The following PHACTR1 variants were observed in gnomAD, a reference collection of about 807,000 sequenced individuals.
PHACTR1 encodes the protein RPEL repeat containing 1.
Under a neutral mutation model 69.2 loss-of-function variants are expected in PHACTR1, and 16 were observed. The observed-to-expected ratio is 0.23, with a 90% CI of 0.16 to 0.35. PHACTR1 has a LOEUF of 0.35. Among genes scored for constraint, PHACTR1 ranks in the 10% least tolerant of loss-of-function variants. The pLI, the probability that PHACTR1 is intolerant of heterozygous loss-of-function variation, is 1.00. For synonymous variants in PHACTR1, 312 were observed against 284.5 expected, an observed-to-expected ratio of 1.10 and a Z score of -0.97; for missense variants, 510 against 734.7, an observed-to-expected ratio of 0.69 and a Z score of 3.54.
chr6:12,868,337 T>A (rs1781676913), intron 4 of PHACTR1, among the ~76,000 whole-genome samples: 1 of 152,118 alleles, frequency 6.6e-6, no homozygotes, highest in South Asian at 2.1e-4. Context: ...TTTCTGAAGT[T>A]CCTTAAGGAA....
chr6:13,224,021 T>C (rs956226447), intron 8 of PHACTR1, among the ~76,000 whole-genome samples: 1 of 152,212 alleles, frequency 6.6e-6, no homozygotes, highest in Non-Finnish European at 1.5e-5. Flanking sequence ...CTTTTGAACA[T>C]GTTTTGCTGA....
chr6:13,235,928 T>TA (rs1205178708), intron 10 of PHACTR1, among the ~76,000 whole-genome samples: 2 of 152,050 alleles, frequency 1.3e-5, no homozygotes, highest in African/African-American at 4.8e-5. Flanking sequence ...AAAAGAAAAA[T>TA]AAAATGGAAA....
At chr6:12,793,502 T>C (rs1487064230) in intron 4 of PHACTR1, among the ~76,000 whole-genome samples, 1 of 152,196 alleles carries the variant, frequency 6.6e-6, no homozygotes, top group African/African-American at 2.4e-5. Context: ...TGCTTCAAGA[T>C]TTGAAAGGAA....
At chr6:12,818,251 C>A (rs1775811982) in intron 4 of PHACTR1, among the ~76,000 whole-genome samples, 1 of 152,162 alleles carries the variant, frequency 6.6e-6, no homozygotes. Context: ...CTGGGTGGTT[C>A]TTCCAGTCTA....
At chr6:12,735,319 G>T (rs1269615062) in intron 3 of PHACTR1, among the ~76,000 whole-genome samples, 2 of 152,148 alleles carry the variant, frequency 1.3e-5, no homozygotes, top group African/African-American at 2.4e-5. Context: ...CCTCAGAAGT[G>T]ATATACTATC....
At chr6:13,063,544 C>T (rs940425770) in intron 5 of PHACTR1, among the ~76,000 whole-genome samples, 8 of 151,440 alleles carry the variant, frequency 5.3e-5, no homozygotes, top group African/African-American at 1.2e-4. Flanking sequence ...GAGGCCAAAG[C>T]GGGAGAATTA....
intron 3 of PHACTR1, among the ~76,000 whole-genome samples, chr6:12,724,399 T>G (rs1341403571): frequency 1.3e-5 from 2 of 152,184 alleles, no homozygotes; most frequent in Non-Finnish European, 2.9e-5. Flanking sequence ...GTATATTCAT[T>G]GTATCTGTTA....
intron 10 of PHACTR1, among the ~76,000 whole-genome samples, chr6:13,230,989 C>T (rs904522401): frequency 7.2e-6 from 1 of 138,728 alleles, no homozygotes; most frequent in Non-Finnish European, 1.5e-5. Context: ...GCACTCCAGC[C>T]CAGGTGACAG....
chr6:12,780,477 C>T (rs1770684076), intron 4 of PHACTR1, among the ~76,000 whole-genome samples: 1 of 152,136 alleles, frequency 6.6e-6, no homozygotes, highest in Non-Finnish European at 1.5e-5. Context: ...TATGCAGAGG[C>T]AATTTCACTT....
At chr6:12,783,560 G>A (rs918096606) in intron 4 of PHACTR1, among the ~76,000 whole-genome samples, 11 of 152,094 alleles carry the variant, frequency 7.2e-5, no homozygotes, top group African/African-American at 2.4e-4. Context: ...CAAATTAGCA[G>A]TTTTCAGCCT....
chr6:12,924,344 T>C (rs78964721), intron 4 of PHACTR1, among the ~76,000 whole-genome samples: 2,208 of 152,316 alleles, frequency 0.014, 50 homozygotes, highest in African/African-American at 0.05. Flanking sequence ...ATTCAAGCTT[T>C]ATTATTGGTC....
intron 4 of PHACTR1, among the ~76,000 whole-genome samples, chr6:12,771,590 C>T (rs527701279): frequency 2.2e-4 from 33 of 152,284 alleles, no homozygotes; most frequent in African/African-American, 6.5e-4. Context: ...AGTCTGGATC[C>T]GGGATGCTCC....
At chr6:13,242,825 G>C (rs1773043463) in intron 10 of PHACTR1, among the ~76,000 whole-genome samples, 1 of 152,186 alleles carries the variant, frequency 6.6e-6, no homozygotes, top group Admixed American at 6.5e-5. Flanking sequence ...GGGAGAACAT[G>C]GGAACCTCAG....
chr6:12,810,762 A>ATGTGTCTATCTCCTTTCTCCT (rs1774927642), intron 4 of PHACTR1, among the ~76,000 whole-genome samples: 1 of 152,036 alleles, frequency 6.6e-6, no homozygotes, highest in Non-Finnish European at 1.5e-5. Flanking sequence ...AACTACCTCC[A>ATGTGTCTATCTCCTTTCTCCT]TGTGTCTATC....
intron 11 of PHACTR1, among the ~76,000 whole-genome samples, chr6:13,276,941 C>A (rs1779043165): frequency 6.6e-6 from 1 of 152,112 alleles, no homozygotes; most frequent in Admixed American, 6.5e-5. Flanking sequence ...AACTAGTGTC[C>A]CAGGCAGTCG....
At chr6:12,993,788 A>G (rs1797090073) in intron 4 of PHACTR1, among the ~76,000 whole-genome samples, 1 of 152,216 alleles carries the variant, frequency 6.6e-6, no homozygotes, top group Non-Finnish European at 1.5e-5. Context: ...CCTGGAGCTA[A>G]AAGCGAACAT....
chr6:12,819,418 A>G (rs559122162), intron 4 of PHACTR1, among the ~76,000 whole-genome samples: 28 of 152,300 alleles, frequency 1.8e-4, no homozygotes, highest in Middle Eastern at 3.4e-3. Context: ...TCTCTCATAT[A>G]TTTCAACCAC....
At chr6:12,945,825 G>A (rs940149209) in intron 4 of PHACTR1, among the ~76,000 whole-genome samples, 8 of 151,944 alleles carry the variant, frequency 5.3e-5, no homozygotes, top group Non-Finnish European at 1.2e-4. Flanking sequence ...TTACCCAGGC[G>A]TAGTGGTGGG....
chr6:13,038,791 T>C (rs1035317080), intron 4 of PHACTR1, among the ~76,000 whole-genome samples: 9 of 152,230 alleles, frequency 5.9e-5, no homozygotes, highest in African/African-American at 2.2e-4. Context: ...CTGCTATGTC[T>C]GATGGCTCCA....
Sources: gnomAD v4.1 joint callset for allele counts (sites outside exome capture counted in the v4.1 genomes callset) on GRCh38, gnomAD v4.1.1 for gene constraint, MANE v1.5 for transcripts, NCBI Gene and HGNC (gene_info 2026-07-23, HGNC 2026-07-21) for gene names.